SNX29: variants seen among roughly 807,000 people sequenced by gnomAD.
SNX29 encodes the protein sorting nexin-29.
Under a neutral mutation model 102.1 loss-of-function variants are expected in SNX29, and 78 were observed. The observed-to-expected ratio is 0.76, with a 90% CI of 0.64 to 0.92. SNX29 has a LOEUF of 0.92. Among genes scored for constraint, SNX29 ranks in the 40% least tolerant of loss-of-function variants. The probability of loss-of-function intolerance (pLI) is 0.00; values close to 1 mark genes in which losing one functional copy is unlikely to be tolerated. For missense variants in SNX29, 1,280 were observed against 1,061.7 expected (o/e 1.21, Z -2.86); for synonymous variants, 580 against 414.5 (o/e 1.40, Z -4.85).
chr16:12,483,114 GTTT>G (rs574090459), intron 19 of SNX29, among the ~76,000 whole-genome samples: 54 of 66,208 alleles, frequency 8.2e-4, no homozygotes, highest in African/African-American at 2.1e-3. Flanking sequence ...AAGTTATTAA[GTTT>G]TTTTTTTTTT....
chr16:12,086,920 T>A lies in SNX29; in HGVS notation c.1402+8005T>A, dbSNP rs962657288. The A allele has an allele frequency of 1.3e-5, 2 of 152,276 alleles. 1 individual carries two copies. Among genetic ancestry groups the A allele is most frequent in the South Asian group, 4.2e-4 (2 of 4,818 alleles). 9.4% of individuals were successfully genotyped at this position (152,276 alleles called of 1,614,324 possible). ...CATTGTGAACCAGAGTAATGGAGGC[T>A]GACACAGATGCAGAGCAGTTGGGTC... On this transcript the variant is annotated intron_variant, in intron 11 of 20. Coordinates refer to ENST00000566228, the MANE Select transcript of SNX29 (RefSeq NM_032167.5).
intron 18 of SNX29, among the ~76,000 whole-genome samples, chr16:12,416,442 A>C (rs1487049278): frequency 6.6e-6 from 1 of 152,180 alleles, no homozygotes. Context: ...CCACAAAGAA[A>C]TGAGAAGTAT....
At chr16:12,043,898 C>G (rs554559397) in intron 5 of SNX29, among the ~76,000 whole-genome samples, 14 of 152,058 alleles carry the variant, frequency 9.2e-5, no homozygotes, top group Non-Finnish European at 1.9e-4. Flanking sequence ...GATTACAGGC[C>G]TGTGCCACCA....
chr16:12,405,435 G>C (rs2084121193), intron 18 of SNX29, among the ~76,000 whole-genome samples: 1 of 152,224 alleles, frequency 6.6e-6, no homozygotes. Flanking sequence ...GTTCAGCCCT[G>C]CTTCCAGCCA....
chr16:12,566,837 T>C (rs960559952), intron 20 of SNX29, among the ~76,000 whole-genome samples: 2 of 152,142 alleles, frequency 1.3e-5, no homozygotes, highest in Non-Finnish European at 2.9e-5. Context: ...TTGTTCAAGG[T>C]CAAATGTTTC....
chr16:12,557,741 G>A (rs529286681), intron 20 of SNX29: 5 of 152,192 alleles, frequency 3.3e-5, no homozygotes, highest in African/African-American at 7.2e-5. Context: ...GTAGTGCACT[G>A]CATTGTGATG....
intron 19 of SNX29, among the ~76,000 whole-genome samples, chr16:12,478,727 G>A (rs918364781): frequency 3.3e-5 from 5 of 152,162 alleles, no homozygotes; most frequent in African/African-American, 1.2e-4. Flanking sequence ...TGTCATGGCC[G>A]TGCTTTGGAT....
At chr16:12,327,816 G>A (rs1247848061) in intron 15 of SNX29, among the ~76,000 whole-genome samples, 2 of 152,102 alleles carry the variant, frequency 1.3e-5, no homozygotes, top group Admixed American at 6.5e-5. Context: ...GTCCCCTGTT[G>A]AGGTCACTCC....
chr16:12,536,430 C>T (rs557372049), intron 20 of SNX29, among the ~76,000 whole-genome samples: 1 of 152,096 alleles, frequency 6.6e-6, no homozygotes, highest in East Asian at 1.9e-4. Context: ...AGGAGGGCGG[C>T]AGTTGTGCAG....
intron 20 of SNX29, among the ~76,000 whole-genome samples, chr16:12,548,956 C>G (rs1210915940): frequency 6.6e-6 from 1 of 152,230 alleles, no homozygotes; most frequent in African/African-American, 2.4e-5. Flanking sequence ...AGGGAACTCT[C>G]AAGCAACAGC....
chr16:12,035,864 G>T (rs569245637), intron 4 of SNX29, among the ~76,000 whole-genome samples: 29 of 152,206 alleles, frequency 1.9e-4, no homozygotes, highest in Admixed American at 5.2e-4. Flanking sequence ...GTTCTTTCCT[G>T]GTAAAAGGGG....
At chr16:12,547,623 C>G (rs938458713) in intron 20 of SNX29, among the ~76,000 whole-genome samples, 5 of 152,262 alleles carry the variant, frequency 3.3e-5, no homozygotes, top group African/African-American at 1.2e-4. Flanking sequence ...CACCACTAAG[C>G]TGTCCCATGG....
At chr16:12,010,092 G>T (rs142947900) in intron 3 of SNX29, among the ~76,000 whole-genome samples, 2 of 152,324 alleles carry the variant, frequency 1.3e-5, no homozygotes, top group East Asian at 3.9e-4. Flanking sequence ...TCTGAAATGG[G>T]TAGTATAATG....
At chr16:12,285,727 A>G (rs955560153) in intron 15 of SNX29, among the ~76,000 whole-genome samples, 2 of 152,248 alleles carry the variant, frequency 1.3e-5, no homozygotes, top group Non-Finnish European at 2.9e-5. Flanking sequence ...TCATTTTTGT[A>G]TAAGAGCAGC....
At chr16:12,207,855 T>C (rs934815144) in intron 14 of SNX29, among the ~76,000 whole-genome samples, 8 of 152,220 alleles carry the variant, frequency 5.3e-5, no homozygotes, top group Admixed American at 2.0e-4. Context: ...TCACGTCTTG[T>C]GTGTGTGCTC....
At chr16:11,978,317 A>C (rs1463168029) in intron 1 of SNX29, among the ~76,000 whole-genome samples, 1 of 152,238 alleles carries the variant, frequency 6.6e-6, no homozygotes, top group Non-Finnish European at 1.5e-5. Flanking sequence ...AGGTTGGTGT[A>C]AGTGCAGGCC....
At chr16:12,179,327 T>C (rs925158283) in intron 13 of SNX29, among the ~76,000 whole-genome samples, 10 of 152,206 alleles carry the variant, frequency 6.6e-5, no homozygotes, top group South Asian at 2.1e-4. Flanking sequence ...CTATACAAAA[T>C]AGAAAAAGTT....
chr16:12,294,106 C>G (rs867341915), intron 15 of SNX29, among the ~76,000 whole-genome samples: 3 of 152,216 alleles, frequency 2.0e-5, no homozygotes, highest in Admixed American at 6.5e-5. Flanking sequence ...CACTGCTGGT[C>G]AGAATGTGAG....
chr16:12,277,473 A>G (rs1363371672), intron 14 of SNX29, among the ~76,000 whole-genome samples: 2 of 152,132 alleles, frequency 1.3e-5, no homozygotes, highest in East Asian at 1.9e-4. Context: ...CTGCCAAAAC[A>G]TTGCCTGTTT....
Sources: gnomAD v4.1 joint callset for allele counts (sites outside exome capture counted in the v4.1 genomes callset) on GRCh38, gnomAD v4.1.1 for gene constraint, MANE v1.5 for transcripts, NCBI Gene and HGNC (gene_info 2026-07-23, HGNC 2026-07-21) for gene names.